The following CFAP57 variants were observed in gnomAD, a reference collection of about 807,000 sequenced individuals.
CFAP57 encodes the protein cilia- and flagella-associated protein 57.
CFAP57 carries 116 observed loss-of-function variants against 146.8 expected under a neutral mutation model. The observed-to-expected ratio is 0.79, with a 90% CI of 0.68 to 0.92. The LOEUF (loss-of-function observed/expected upper bound fraction) is 0.92. Among genes scored for constraint, CFAP57 ranks in the 40% least tolerant of loss-of-function variants. The probability of loss-of-function intolerance (pLI) is 0.00; values close to 1 mark genes in which losing one functional copy is unlikely to be tolerated. For synonymous variants in CFAP57, 518 were observed against 552.8 expected, an observed-to-expected ratio of 0.94 and a Z score of 0.88; for missense variants, 1,377 against 1,527.2, an observed-to-expected ratio of 0.90 and a Z score of 1.64.
At position 43,201,400 on chromosome 1, in the gene CFAP57, A is replaced by C. The variant is rs1347698474; in HGVS notation, c.1542+1897A>C. 1.3e-5 allele frequency among the ~76,000 whole-genome samples: 2 copies of C among 152,260 alleles called. No homozygotes were observed. Among genetic ancestry groups the C allele is most frequent in the Non-Finnish European group, 2.9e-5 (2 of 68,046 alleles). On this transcript the variant is annotated intron_variant, in intron 9 of 22. Transcript: ENST00000372492. This position sits in a 1 kb window ranked among gnomAD's most constrained non-coding sequence, Gnocchi z 4.4. ...TCAGAGGGAGGTCATGTAAAGTCCA[A>C]AACTGACCGTTGACTTTAGCAAATA...
At chr1:43,185,066 A>G (rs1456990136) in intron 4 of CFAP57, 83 bp from the exon 5 acceptor site, 31 of 1,460,614 alleles carry the variant, frequency 2.1e-5, no homozygotes, top group Non-Finnish European at 2.8e-5. Context: ...ACACCCAGTG[A>G]CAGTCTTCTT....
At chr1:43,221,141 C>T (rs1195054674) in intron 13 of CFAP57, among the ~76,000 whole-genome samples, 1 of 152,154 alleles carries the variant, frequency 6.6e-6, no homozygotes, top group Admixed American at 6.5e-5. Flanking sequence ...CATTGACAAA[C>T]CCATTTAGTA....
chr1:43,172,544 T>C, intron 1 of CFAP57, 91 bp downstream of exon 1: 1 of 759,584 alleles, frequency 1.3e-6, no homozygotes, highest in Non-Finnish European at 1.7e-6. Flanking sequence ...GGGGGTGGGG[T>C]GGCGCGGAGG....
intron 3 of CFAP57, 122 bp from the exon 4 acceptor site, chr1:43,183,469 T>C (rs1415764929): frequency 8.0e-6 from 7 of 875,782 alleles, no homozygotes; most frequent in Non-Finnish European, 1.3e-5. Context: ...AGTTACATGA[T>C]TTTGTGATGT....
chr1:43,248,992 C>T (rs1196492985), intron 22 of CFAP57, among the ~76,000 whole-genome samples: 1 of 151,792 alleles, frequency 6.6e-6, no homozygotes, highest in Admixed American at 6.6e-5. Flanking sequence ...TGCCATTCTC[C>T]TGCCTCAGCC....
At chr1:43,207,966 C>G (rs1266712631) in intron 10 of CFAP57, among the ~76,000 whole-genome samples, 1 of 152,246 alleles carries the variant, frequency 6.6e-6, no homozygotes, top group Non-Finnish European at 1.5e-5. Flanking sequence ...GCAGGGCCAT[C>G]TTTTGCTCCT....
In CFAP57 at chr1:43,234,696, C is replaced by T. The variant is rs1051502222; in HGVS notation, c.3405+58C>T. 6.6e-6 allele frequency: 10 copies of T among 1,503,930 alleles called. No homozygotes were observed. In the Admixed American group the frequency reaches 1.3e-4, roughly 19 times the overall value. The allele number at this position is 1,503,930 out of a possible 1,614,324, so 93.2% of individuals were successfully genotyped here. ...GCCAAGCCATCCAAGATGAGAGATCCCATCAAGGGTCCCTCTGAGACCACC... is the reference window on the plus strand; with the variant it reads ...GCCAAGCCATCCAAGATGAGAGATCTCATCAAGGGTCCCTCTGAGACCACC... On this transcript the variant is annotated intron_variant, in intron 21 of 22. Coordinates refer to ENST00000372492, the MANE Select transcript of CFAP57 (RefSeq NM_001378189.1).
intron 19 of CFAP57, among the ~76,000 whole-genome samples, 151 bp downstream of exon 19, chr1:43,232,775 TG>T (rs1362699424): frequency 2.6e-5 from 4 of 152,252 alleles, no homozygotes; most frequent in African/African-American, 9.6e-5. Context: ...CAGCCCTGCC[TG>T]ATTTCAGGCC....
intron 13 of CFAP57, among the ~76,000 whole-genome samples, chr1:43,220,530 G>T (rs1004330620): frequency 6.6e-6 from 1 of 152,186 alleles, no homozygotes; most frequent in Non-Finnish European, 1.5e-5. Flanking sequence ...CTTGAGACCA[G>T]CATGGGCAAC....
intron 10 of CFAP57, among the ~76,000 whole-genome samples, chr1:43,208,393 A>T (rs1644446756): frequency 6.6e-6 from 1 of 152,208 alleles, no homozygotes; most frequent in South Asian, 2.1e-4. Context: ...AAGACTTGGA[A>T]CCAACCCAAA....
chr1:43,234,686 A>G, intron 21 of CFAP57, 48 bp downstream of exon 21: 2 of 1,518,888 alleles, frequency 1.3e-6, no homozygotes, highest in Non-Finnish European at 1.8e-6. Context: ...GCCATCCAAG[A>G]TGAGAGATCC....
In CFAP57 at chr1:43,243,278, T is replaced by G; in HGVS notation, c.3457T>G (p.Phe1153Val). Residue 1153 changes from phenylalanine to valine, a missense_variant, in exon 22 of 23, where the codon TTC (phenylalanine) becomes GTC (valine). Transcript: ENST00000372492. Reference sequence around the variant, plus strand: ...TAATGAGCTCCGCAGGGAGCTGAAGTTCACTCGGTCCCAAGTCTATGACCT... The same window carrying G: ...TAATGAGCTCCGCAGGGAGCTGAAGGTCACTCGGTCCCAAGTCTATGACCT... Reference protein sequence around the residue: ...EINELRRELKFTRSQVYDLEA... With the variant: ...EINELRRELKVTRSQVYDLEA... 2 of 1,550,158 alleles carry G rather than the reference T, an allele frequency of 1.3e-6. No individual in the cohort carries two copies. Among genetic ancestry groups the G allele is most frequent in the Non-Finnish European group, 1.7e-6 (2 of 1,146,726 alleles).
Position 43,198,693 on chromosome 1 carries a change from C to A in CFAP57, c.1428+47C>A, listed in dbSNP as rs200916018. 18 of 1,603,404 alleles carry A rather than the reference C, an allele frequency of 1.1e-5. No individual in the cohort carries two copies. The African/African-American group carries it at 2.0e-4, about 18-fold the overall frequency. On this transcript the variant is annotated intron_variant, in intron 8 of 22. Coordinates refer to ENST00000372492, the MANE Select transcript of CFAP57 (RefSeq NM_001378189.1). ...ACAAAAGTCCAGTTTCTTAGAAAGCCACGGCTGAAATATCAGGAACTAACA... is the reference window on the plus strand; with the variant it reads ...ACAAAAGTCCAGTTTCTTAGAAAGCAACGGCTGAAATATCAGGAACTAACA...
At chr1:43,236,128 C>A (rs998754962) in intron 21 of CFAP57, among the ~76,000 whole-genome samples, 6 of 151,990 alleles carry the variant, frequency 3.9e-5, no homozygotes, top group Non-Finnish European at 8.8e-5. Context: ...GCAGAGGGAG[C>A]CATCAACAAA....
In CFAP57 at chr1:43,215,278, G is replaced by C; in HGVS notation, c.1953G>C (p.Gln651His). The change falls in exon 12 of 23, where the codon CAG (glutamine) becomes CAC (histidine). Residue 651 changes from glutamine (Q) to histidine (H), a missense_variant. Coordinates refer to ENST00000372492, the MANE Select transcript of CFAP57 (RefSeq NM_001378189.1). ...ITKMLLTFDD[Q>H]FLLTAAEDGC... ...AGATGTTGCTTACCTTTGATGATCA[G>C]TTCCTGCTGACTGCTGCTGAGGATG... 6.4e-7 allele frequency: 1 copy of C among 1,551,246 alleles called. No individual in the cohort carries two copies. The highest frequency in any genetic ancestry group is 8.7e-7 in the Non-Finnish European group (1 of 1,147,104).
At chr1:43,219,171 G>T (rs1644951086) in intron 12 of CFAP57, among the ~76,000 whole-genome samples, 1 of 152,204 alleles carries the variant, frequency 6.6e-6, no homozygotes, top group African/African-American at 2.4e-5. Context: ...GCACAATGTA[G>T]TAAAGATTTT....
intron 21 of CFAP57, among the ~76,000 whole-genome samples, chr1:43,236,904 A>T (rs1057132782): frequency 1.5e-4 from 5 of 34,482 alleles, no homozygotes; most frequent in Admixed American, 3.3e-4. Flanking sequence ...GCGAGACTCC[A>T]TCCCCCCCCA....
At chr1:43,172,481 G>T (rs984906936) in intron 1 of CFAP57, 28 bp downstream of exon 1, 4 of 1,531,184 alleles carry the variant, frequency 2.6e-6, no homozygotes, top group Non-Finnish European at 3.5e-6. Context: ...GGGGTCGCCA[G>T]AAGGAGCTGG....
At position 43,224,067 on chromosome 1, in the gene CFAP57, A is replaced by T. The variant is rs1258062686; in HGVS notation, c.2728A>T (p.Ile910Phe). Residue 910 changes from isoleucine (I) to phenylalanine (F), a missense_variant, in exon 17 of 23, where the codon ATT becomes TTT. Coordinates refer to ENST00000372492, the MANE Select transcript of CFAP57 (RefSeq NM_001378189.1). ...CTAGTTCAGCAGCCTACAGAAGGAG[A>T]TTGAAGAACGAACCAATGACATCGA... ...RKKFSSLQKE[I>F]EERTNDIETL... 1.9e-6 allele frequency: 3 copies of T among 1,550,518 alleles called. No homozygotes were observed.
Sources: allele counts gnomAD v4.1 joint callset (sites outside exome capture counted in the v4.1 genomes callset), GRCh38; gene constraint gnomAD v4.1.1; non-coding constraint Gnocchi (gnomAD v3.1); transcripts MANE v1.5; gene names NCBI Gene and HGNC (gene_info 2026-07-23, HGNC 2026-07-21).